Variants in HFM1 observed in about 807,000 individuals in gnomAD.
HFM1 encodes helicase for meiosis 1, also known as probable ATP-dependent DNA helicase HFM1.
A neutral mutation model predicts 192.1 loss-of-function variants in HFM1; 169 were observed. The observed-to-expected ratio is 0.88, with a 90% CI of 0.78 to 1.00. The LOEUF (loss-of-function observed/expected upper bound fraction) is 1.00. HFM1 is among the 50% of genes least tolerant of loss of function. The probability of loss-of-function intolerance (pLI) is 0.00; values close to 1 mark genes in which losing one functional copy is unlikely to be tolerated. For missense variants in HFM1, 1,661 were observed against 1,668.0 expected (o/e 1.00, Z 0.07); for synonymous variants, 525 against 537.8 (o/e 0.98, Z 0.33).
At position 91,380,647 on chromosome 1, in the gene HFM1, G is replaced by C. The variant is rs116192510; in HGVS notation, c.873+265C>G. ...CTCAAGCCTGTAATCCCAGTTACTT[G>C]GGTGGCTGAGGCAGGAAAATCGCTT... On this transcript the variant is annotated intron_variant, in intron 7 of 38. Transcript: ENST00000370425. Among the ~76,000 whole-genome samples the C allele has an allele frequency of 7.4e-3, 1,133 of 152,230 alleles. 8 individuals are homozygous for C. The highest frequency in any genetic ancestry group is 0.013 in the Non-Finnish European group (856 of 68,000).
At chr1:91,302,978 T>C (rs1013467393) in intron 30 of HFM1, among the ~76,000 whole-genome samples, 6 of 152,280 alleles carry the variant, frequency 3.9e-5, no homozygotes, top group Non-Finnish European at 8.8e-5. Context: ...TTTTTGCTGG[T>C]ATACAGGAAT....
chr1:91,285,219 T>C (rs1000756588), intron 30 of HFM1, among the ~76,000 whole-genome samples: 4 of 152,180 alleles, frequency 2.6e-5, no homozygotes, highest in Non-Finnish European at 5.9e-5. Context: ...ATCAGCAGCA[T>C]GAAAACGGAC....
chr1:91,262,220 G>T, intron 38 of HFM1, 21 bp downstream of exon 38: 1 of 1,133,674 alleles, frequency 8.8e-7, no homozygotes, highest in Non-Finnish European at 1.3e-6. Flanking sequence ...TAATCTTAAA[G>T]TGTCTTTAAA....
At chr1:91,312,762 G>A (rs1650654642) in intron 30 of HFM1, among the ~76,000 whole-genome samples, 1 of 152,070 alleles carries the variant, frequency 6.6e-6, no homozygotes, top group Non-Finnish European at 1.5e-5. Context: ...AGGGGCTAGG[G>A]GTGGAATGAT....
intron 30 of HFM1, among the ~76,000 whole-genome samples, chr1:91,282,669 A>T (rs1279972248): frequency 6.6e-6 from 1 of 152,178 alleles, no homozygotes; most frequent in Non-Finnish European, 1.5e-5. Context: ...CCAGAGACTG[A>T]TCTATCAACA....
intron 13 of HFM1, among the ~76,000 whole-genome samples, chr1:91,360,855 A>G (rs1406025652): frequency 6.6e-6 from 1 of 152,214 alleles, no homozygotes; most frequent in Admixed American, 6.5e-5. Flanking sequence ...CTCTCAGACC[A>G]GAGCACAATC....
chr1:91,342,486 C>T (rs1655502720), intron 20 of HFM1, among the ~76,000 whole-genome samples: 1 of 152,168 alleles, frequency 6.6e-6, no homozygotes. Flanking sequence ...AATGAACAGG[C>T]TTTGCTAAAT....
chr1:91,297,416 C>T (rs1038025204), intron 30 of HFM1, among the ~76,000 whole-genome samples: 4 of 152,196 alleles, frequency 2.6e-5, no homozygotes, highest in Admixed American at 6.5e-5. Flanking sequence ...ACTTAAATGT[C>T]CCTGTCTGAC....
At chr1:91,319,650 C>A (rs1172726335) in intron 23 of HFM1, among the ~76,000 whole-genome samples, 1 of 152,054 alleles carries the variant, frequency 6.6e-6, no homozygotes, top group Non-Finnish European at 1.5e-5. Flanking sequence ...TAAAAGATCT[C>A]ATTTCTTCTC....
At chr1:91,354,439 T>C (rs541078625) in intron 13 of HFM1, among the ~76,000 whole-genome samples, 1 of 152,196 alleles carries the variant, frequency 6.6e-6, no homozygotes, top group Non-Finnish European at 1.5e-5. Flanking sequence ...AAATAATTGC[T>C]GAAAACTTCC....
At chr1:91,354,343 G>C (rs576790334) in intron 13 of HFM1, among the ~76,000 whole-genome samples, 72 of 151,942 alleles carry the variant, frequency 4.7e-4, no homozygotes, top group African/African-American at 1.5e-3. Flanking sequence ...AGGACTTATG[G>C]GACACCATTA....
At chr1:91,337,721 C>T (rs1654786679) in intron 20 of HFM1, among the ~76,000 whole-genome samples, 1 of 152,102 alleles carries the variant, frequency 6.6e-6, no homozygotes, top group South Asian at 2.1e-4. Context: ...ACCAGAAAAG[C>T]CAAGAAATTA....
At chr1:91,397,254 C>T (rs1277425416) in intron 2 of HFM1, among the ~76,000 whole-genome samples, 1 of 152,166 alleles carries the variant, frequency 6.6e-6, no homozygotes, top group East Asian at 1.9e-4. Flanking sequence ...AAACTGATGA[C>T]CTCTTTATAA....
Position 91,314,004 on chromosome 1 carries a change from G to T in HFM1, c.3197C>A (p.Ala1066Asp). The T allele has an allele frequency of 1.2e-6, 2 of 1,609,960 alleles. No individual in the cohort carries two copies. The highest frequency in any genetic ancestry group is 1.7e-6 in the Non-Finnish European group (2 of 1,177,354). ...SWAKKIAVKR[A>D]LKSEDLSINL... The stretch of plus-strand genomic sequence containing the variant: ...TATGCTAAGATCTTCAGATTTAAGA[G>T]CTCTTTTCACAGCAATCTTTTTAGC... The change falls in exon 29 of 39, where the codon GCT becomes GAT. Residue 1066 changes from alanine (A) to aspartate (D), a missense_variant. Transcript: ENST00000370425.
At chr1:91,303,025 T>C (rs1033085947) in intron 30 of HFM1, among the ~76,000 whole-genome samples, 2 of 152,214 alleles carry the variant, frequency 1.3e-5, no homozygotes, top group Non-Finnish European at 2.9e-5. Flanking sequence ...AAATTATAAT[T>C]CATACCATAC....
chr1:91,342,145 A>AG (rs1655436125), intron 20 of HFM1, among the ~76,000 whole-genome samples: 2 of 114,114 alleles, frequency 1.8e-5, no homozygotes, highest in Admixed American at 2.1e-4. Flanking sequence ...AAAAAAAAAA[A>AG]AAAAAATTCA....
intron 34 of HFM1, among the ~76,000 whole-genome samples, chr1:91,269,142 A>G (rs1232422474): frequency 2.6e-5 from 4 of 152,094 alleles, no homozygotes; most frequent in Non-Finnish European, 5.9e-5. Flanking sequence ...GCTGATTCCT[A>G]TGGTATAAAT....
intron 30 of HFM1, among the ~76,000 whole-genome samples, chr1:91,307,092 C>T (rs1649715837): frequency 6.6e-6 from 1 of 152,056 alleles, no homozygotes; most frequent in South Asian, 2.1e-4. Context: ...TTCTCTTGAT[C>T]AGTCTTCATT....
At chr1:91,274,834 C>T (rs1666658753) in intron 32 of HFM1, 25 bp from the exon 33 acceptor site, 1 of 1,236,456 alleles carries the variant, frequency 8.1e-7, no homozygotes, top group African/African-American at 1.5e-5. Context: ...AAAATAAGTT[C>T]AACTATCAGT....
Sources: gnomAD v4.1 joint callset for allele counts (sites outside exome capture counted in the v4.1 genomes callset) on GRCh38, gnomAD v4.1.1 for gene constraint, MANE v1.5 for transcripts, NCBI Gene and HGNC (gene_info 2026-07-23, HGNC 2026-07-21) for gene names.